The following CR1 variants were observed in gnomAD, a reference collection of about 807,000 sequenced individuals.
The protein encoded by CR1 is complement C3b/C4b receptor 1 (Knops blood group), also known as complement receptor type 1.
In CR1, 116 loss-of-function variants were observed where a neutral mutation model predicts 187.3. The observed-to-expected ratio is 0.62, with a 90% CI of 0.53 to 0.72. The LOEUF (loss-of-function observed/expected upper bound fraction) is 0.72. CR1 is among the 30% of genes least tolerant of loss of function. The pLI is 0.00. For missense variants in CR1, 1,731 were observed against 2,110.7 expected (o/e 0.82, Z 3.52); for synonymous variants, 576 against 747.1 (o/e 0.77, Z 3.73).
intron 1 of CR1, 120 bp from the exon 2 acceptor site, chr1:207,505,784 C>T: frequency 1.8e-6 from 2 of 1,142,292 alleles, no homozygotes; most frequent in Non-Finnish European, 2.5e-6. Context: ...TGCAGTGAGC[C>T]AAGATAGCGC....
chr1:207,496,429 A>G (rs377520654), intron 1 of CR1, 41 bp downstream of exon 1: 24,639 of 1,566,124 alleles, frequency 0.016, 251 homozygotes, highest in South Asian at 0.019. Flanking sequence ...CGGGCGGACG[A>G]GGAACCCGGG....
intron 40 of CR1, 107 bp downstream of exon 40, chr1:207,614,596 T>C (rs568867049): frequency 7.6e-6 from 6 of 788,386 alleles, no homozygotes; most frequent in South Asian, 1.6e-5. Context: ...TTAACTAAAT[T>C]ATGGATAAAA....
intron 1 of CR1, among the ~76,000 whole-genome samples, chr1:207,497,195 T>A (rs1659115531): frequency 6.6e-6 from 1 of 152,260 alleles, no homozygotes; most frequent in South Asian, 2.1e-4. Flanking sequence ...ACAGTAGATA[T>A]GTTTACAGTT....
At chr1:207,499,374 G>T (rs61822962) in intron 1 of CR1, among the ~76,000 whole-genome samples, 28,195 of 152,114 alleles carry the variant, frequency 0.19, 3,747 homozygotes, top group African/African-American at 0.38. Flanking sequence ...CCATAGAACT[G>T]CAAGGAGAAA....
intron 41 of CR1, among the ~76,000 whole-genome samples, chr1:207,617,505 A>ATGTGTGTGTGTG (rs1372885484): frequency 1.2e-4 from 5 of 40,882 alleles, no homozygotes; most frequent in African/African-American, 3.9e-4. Flanking sequence ...ATATATATAT[A>ATGTGTGTGTGTG]TATGTGTGTG....
intron 35 of CR1, among the ~76,000 whole-genome samples, chr1:207,599,449 C>T (rs1315913100): frequency 6.6e-6 from 1 of 152,178 alleles, no homozygotes; most frequent in Admixed American, 6.5e-5. Flanking sequence ...ACACTATCCA[C>T]AAACAATGAA....
In CR1 at chr1:207,616,672, C is replaced by T. The variant is rs749885738; in HGVS notation, c.6759C>T (p.Cys2253=). 34 of 1,613,814 alleles carry T rather than the reference C, an allele frequency of 2.1e-5. No homozygotes were observed. The highest frequency in any genetic ancestry group is 1.3e-4 in the Admixed American group (8 of 59,996). The change falls in exon 41 of 47, where the codon TGC becomes TGT. Residue 2253 remains cysteine (C), a synonymous_variant. Transcript: ENST00000367049. ...IPYGKEISYA[C]DTHPDRGMTF... ...ATGGAAAAGAAATATCTTACGCATG[C>T]GACACCCACCCAGACAGAGGGATGA...
At position 207,581,923 on chromosome 1, in the gene CR1, G is replaced by T; in HGVS notation, c.5222G>T (p.Arg1741Leu). The T allele has an allele frequency of 6.2e-7, 1 of 1,612,238 alleles. No homozygotes were observed. Among genetic ancestry groups the T allele is most frequent in the Non-Finnish European group, 8.5e-7 (1 of 1,178,640 alleles). ...ACTACTGCTTTGTTCTTTAGGTTTC[G>T]CTTAAAGGGCAGTTCCGTTAGTCAT... ...KVSFVCDEGF[R>L]LKGSSVSHCV... Residue 1741 changes from arginine (R) to leucine (L), a missense_variant, in exon 32 of 47, where the codon CGC becomes CTC. Physicochemically the swap from Arg to Leu is moderately radical, Grantham distance 102. Around this residue, in one of 5 missense-constraint regions of CR1, gnomAD observed 1,312 missense variants for 1,379.6 expected, o/e 0.95. Coordinates refer to ENST00000367049, the MANE Select transcript of CR1 (RefSeq NM_000651.6).
chr1:207,601,319 A>G (rs1281206190), intron 35 of CR1, among the ~76,000 whole-genome samples: 2 of 152,162 alleles, frequency 1.3e-5, no homozygotes, highest in Non-Finnish European at 2.9e-5. Flanking sequence ...TATCCATGAA[A>G]TGTACCATGT....
At chr1:207,568,448 C>A (rs1660574981) in intron 25 of CR1, among the ~76,000 whole-genome samples, 1 of 67,334 alleles carries the variant, frequency 1.5e-5, no homozygotes, top group Admixed American at 1.8e-4. Flanking sequence ...TACAAGGAAA[C>A]CAGACAGGAA....
chr1:207,499,697 G>A (rs1392788060), intron 1 of CR1, among the ~76,000 whole-genome samples: 1 of 152,176 alleles, frequency 6.6e-6, no homozygotes, highest in Non-Finnish European at 1.5e-5. Context: ...GCGCCCTCAC[G>A]TGGTCCTCAT....
At chr1:207,617,507 A>ATATATATATATATATATATATG (rs1332301171) in intron 41 of CR1, among the ~76,000 whole-genome samples, 15 of 47,014 alleles carry the variant, frequency 3.2e-4, no homozygotes, top group Middle Eastern at 9.3e-3. Flanking sequence ...ATATATATAT[A>ATATATATATATATATATATATG]TGTGTGTGTG....
chr1:207,610,951 C>G (rs1558266039), intron 37 of CR1, among the ~76,000 whole-genome samples: 1 of 152,082 alleles, frequency 6.6e-6, no homozygotes, highest in Non-Finnish European at 1.5e-5. Flanking sequence ...CAATTACACT[C>G]TTTCATTTTT....
chr1:207,587,893 G>T (rs148399777), intron 34 of CR1, among the ~76,000 whole-genome samples: 177 of 152,348 alleles, frequency 1.2e-3, no homozygotes, highest in African/African-American at 4.1e-3. Flanking sequence ...ACCTTGACTA[G>T]ATGCTCATTT....
intron 33 of CR1, among the ~76,000 whole-genome samples, chr1:207,586,294 C>T (rs1661109989): frequency 1.3e-5 from 2 of 152,152 alleles, no homozygotes; most frequent in South Asian, 4.1e-4. Flanking sequence ...CATGCCACCA[C>T]ACCCAGCTAA....
At chr1:207,582,499 G>T (rs1262392445) in intron 32 of CR1, among the ~76,000 whole-genome samples, 1 of 152,164 alleles carries the variant, frequency 6.6e-6, no homozygotes, top group African/African-American at 2.4e-5. Context: ...AAAAATCAAA[G>T]ACATGAATAG....
chr1:207,586,358 A>G (rs1285000585), intron 33 of CR1, among the ~76,000 whole-genome samples: 2 of 151,496 alleles, frequency 1.3e-5, no homozygotes, highest in South Asian at 2.1e-4. Context: ...CTGGTCTTGA[A>G]CTCCTGGGCT....
At chr1:207,519,766 C>G (rs1304141824) in intron 4 of CR1, among the ~76,000 whole-genome samples, 3 of 152,100 alleles carry the variant, frequency 2.0e-5, no homozygotes, top group South Asian at 2.1e-4. Flanking sequence ...GAGGATTTAC[C>G]GACAGAAAAA....
At chr1:207,581,113 T>C (rs1461623202) in intron 31 of CR1, among the ~76,000 whole-genome samples, 2 of 147,060 alleles carry the variant, frequency 1.4e-5, no homozygotes, top group Admixed American at 6.6e-5. Context: ...TGTGTATATA[T>C]ATGTATACAT....
Sources: gnomAD v4.1 joint callset for allele counts (sites outside exome capture counted in the v4.1 genomes callset) on GRCh38, gnomAD v4.1.1 for gene constraint, gnomAD v4.1.1 regional missense constraint, MANE v1.5 for transcripts, NCBI Gene and HGNC (gene_info 2026-07-23, HGNC 2026-07-21) for gene names.